Variants in CCNF observed in about 807,000 individuals in gnomAD.
CCNF encodes the protein cyclin-F.
A neutral mutation model predicts 85.4 loss-of-function variants in CCNF; 30 were observed. That is an observed-to-expected ratio of 0.35 (90% confidence interval 0.26 to 0.48). The LOEUF (loss-of-function observed/expected upper bound fraction) is 0.48, where lower values mean the gene tolerates loss of function less well. Among genes scored for constraint, CCNF ranks in the 20% least tolerant of loss-of-function variants. CCNF has a pLI of 0.99. For missense variants in CCNF, 919 were observed against 1,010.4 expected (o/e 0.91, Z 1.23); for synonymous variants, 439 against 425.1 (o/e 1.03, Z -0.40).
chr16:2,444,808 G>A (rs2058682943), intron 9 of CCNF, among the ~76,000 whole-genome samples: 1 of 152,004 alleles, frequency 6.6e-6, no homozygotes, highest in South Asian at 2.1e-4. Context: ...TGTTGCCCAG[G>A]CTAGTCTTGA....
intron 8 of CCNF, among the ~76,000 whole-genome samples, chr16:2,441,049 T>C (rs866086341): frequency 7.9e-5 from 12 of 151,774 alleles, no homozygotes; most frequent in African/African-American, 2.7e-4. Flanking sequence ...CTGGCCAATG[T>C]GGTGAAACCC....
chr16:2,438,196 G>A (rs2065301806), intron 6 of CCNF, 73 bp downstream of exon 6: 3 of 1,164,626 alleles, frequency 2.6e-6, no homozygotes, highest in East Asian at 4.7e-5. Context: ...GAACTGAAAA[G>A]CAGCAGAAGG....
chr16:2,451,039 C>T lies in CCNF; in HGVS notation c.1487+1124C>T, dbSNP rs895896666. Among the ~76,000 whole-genome samples, 1 of 152,236 alleles carries T rather than the reference C, an allele frequency of 6.6e-6. No individual in the cohort carries two copies. The highest frequency in any genetic ancestry group is 1.5e-5 in the Non-Finnish European group (1 of 68,046). Reference sequence around the variant, plus strand: ...TGCCCCGGCCCCTCCGCCCTTCTCTCTGGTGAGCCTGGCCCGGCCCTCGCC... The same window carrying T: ...TGCCCCGGCCCCTCCGCCCTTCTCTTTGGTGAGCCTGGCCCGGCCCTCGCC... On this transcript the variant is annotated intron_variant, in intron 13 of 16. Transcript: ENST00000397066. The surrounding 1 kb of genome is among the most constrained non-coding windows in gnomAD (Gnocchi z 4.3).
At chr16:2,454,753 G>A (rs1289119160) in intron 15 of CCNF, among the ~76,000 whole-genome samples, 2 of 152,182 alleles carry the variant, frequency 1.3e-5, no homozygotes, top group African/African-American at 4.8e-5. Flanking sequence ...AGCACTGCCT[G>A]CACCTTATTA....
Position 2,455,479 on chromosome 16 carries a change from G to T in CCNF, c.1800G>T (p.Leu600=), listed in dbSNP as rs760533163. Residue 600 remains leucine, a synonymous_variant, in exon 16 of 17, where the codon CTG becomes CTT. Transcript: ENST00000397066. The part of the protein sequence containing the change: ...TAELSSQEET[L]LGSFLDWSLD... ...AGCTGTCCAGCCAGGAGGAGACGCT[G>T]CTGGGCAGCTTCCTCGACTGGAGCC... 6.2e-7 allele frequency: 1 copy of T among 1,606,472 alleles called. No homozygotes were observed. Among genetic ancestry groups the T allele is most frequent in the Non-Finnish European group, 8.5e-7 (1 of 1,174,150 alleles).
intron 2 of CCNF, 123 bp downstream of exon 2, chr16:2,431,407 G>A (rs1052128100): frequency 1.6e-5 from 16 of 1,005,726 alleles, no homozygotes; most frequent in Admixed American, 2.4e-5. Context: ...GGCCAGGCAC[G>A]GTGGCTCATG....
Position 2,443,784 on chromosome 16 carries a change from C to T in CCNF, c.913C>T (p.Leu305Phe), listed in dbSNP as rs927731140. ...KQQVFSVQKGLNDTMRYILID... is the reference protein window; with the variant it reads ...KQQVFSVQKGFNDTMRYILID... ...ACAAGTCTTCTCCGTGCAGAAGGGACTCAATGACACAATGAGGTGAGGCAT... is the reference window on the plus strand; with the variant it reads ...ACAAGTCTTCTCCGTGCAGAAGGGATTCAATGACACAATGAGGTGAGGCAT... Residue 305 changes from leucine (L) to phenylalanine (F), a missense_variant, in exon 9 of 17, where the codon CTC (leucine) becomes TTC (phenylalanine). Leu to Phe is a conservative substitution (Grantham distance 22). Around this residue, in one of 3 missense-constraint regions of CCNF, gnomAD observed 410 missense variants for 478.6 expected, o/e 0.86. Transcript: ENST00000397066. 2 of 1,614,020 alleles carry T rather than the reference C, an allele frequency of 1.2e-6. No individual in the cohort carries two copies. Among genetic ancestry groups the T allele is most frequent in the African/African-American group, 1.3e-5 (1 of 74,916 alleles).
intron 2 of CCNF, among the ~76,000 whole-genome samples, chr16:2,432,108 GC>G (rs1276669671): frequency 1.3e-5 from 2 of 152,138 alleles, no homozygotes; most frequent in African/African-American, 2.4e-5. Flanking sequence ...GGGATTACAG[GC>G]ATGAGCCACT....
At chr16:2,439,270 C>G (rs1352170441) in intron 6 of CCNF, 83 bp from the exon 7 acceptor site, 4 of 1,229,906 alleles carry the variant, frequency 3.3e-6, no homozygotes, top group Non-Finnish European at 4.6e-6. Flanking sequence ...TGCACTCCAA[C>G]CTGGGCGACG....
chr16:2,453,585 G>A lies in CCNF; in HGVS notation c.1715+48G>A, dbSNP rs79713355. 9.2e-4 allele frequency: 1,483 copies of A among 1,610,012 alleles called. 11 individuals are homozygous for A. In the African/African-American group the frequency reaches 0.017, roughly 19 times the overall value. On this transcript the variant is annotated intron_variant, in intron 15 of 16. Coordinates refer to ENST00000397066, the MANE Select transcript of CCNF (RefSeq NM_001761.3). This position sits in a 1 kb window ranked among gnomAD's most constrained non-coding sequence, Gnocchi z 5.6. ...TGCGCCATACAATGCTGGCATCCTC[G>A]TGCCGGCCCAGTTCCCTCAGCGCTT... is the stretch of plus-strand genomic sequence containing the variant.
chr16:2,435,159 G>C (rs556367468), intron 3 of CCNF, among the ~76,000 whole-genome samples: 286 of 150,998 alleles, frequency 1.9e-3, no homozygotes, highest in Middle Eastern at 0.017. Flanking sequence ...GCTGAGGCAG[G>C]AGAATGGTGT....
At chr16:2,432,276 C>T (rs1445926441) in intron 2 of CCNF, among the ~76,000 whole-genome samples, 1 of 152,134 alleles carries the variant, frequency 6.6e-6, no homozygotes, top group African/African-American at 2.4e-5. Context: ...GATATTGGAA[C>T]CATAGGCTTA....
chr16:2,441,496 G>A (rs1212530863), intron 8 of CCNF, among the ~76,000 whole-genome samples: 1 of 152,044 alleles, frequency 6.6e-6, no homozygotes, highest in Admixed American at 6.5e-5. Flanking sequence ...GCCGGGCGCA[G>A]TGGCTCACAT....
rs2065440486 is a variant in CCNF, at chr16:2,458,103, G to C, written c.*1083G>C. ...GCATGGAAAGGGAGCCTGGGAGCCA[G>C]CAGCCCACGCCTGGGGAGCCTGCCT... On this transcript the variant is annotated 3_prime_UTR_variant, in exon 17 of 17. Coordinates refer to ENST00000397066, the MANE Select transcript of CCNF (RefSeq NM_001761.3). 1 of 152,206 alleles carries C rather than the reference G, an allele frequency of 6.6e-6. No homozygotes were observed. Among genetic ancestry groups the C allele is most frequent in the Non-Finnish European group, 1.5e-5 (1 of 68,036 alleles). 9.4% of individuals were successfully genotyped at this position (152,206 alleles called of 1,614,324 possible).
chr16:2,453,606 C>A lies in CCNF; in HGVS notation c.1715+69C>A. On this transcript the variant is annotated intron_variant, in intron 15 of 16. Transcript: ENST00000397066. The surrounding 1 kb of genome is among the most constrained non-coding windows in gnomAD (Gnocchi z 5.6). ...CCTCGTGCCGGCCCAGTTCCCTCAG[C>A]GCTTCCTCACACAGAGAGGCCCCCA... 1 of 1,592,756 alleles carries A rather than the reference C, an allele frequency of 6.3e-7. No individual in the cohort carries two copies. The highest frequency in any genetic ancestry group is 8.6e-7 in the Non-Finnish European group (1 of 1,167,010).
In CCNF at chr16:2,449,843, C is replaced by G; in HGVS notation, c.1415C>G (p.Thr472Ser). The stretch of plus-strand genomic sequence containing the variant: ...TCCTCCCCAGCACAGCCCTGGACCA[C>G]TCAGCTGTGGGACCTCACCGGATTC... ...LTHGQTQPWT[T>S]QLWDLTGFSY... Residue 472 changes from threonine to serine, a missense_variant, in exon 13 of 17, where the codon ACT (threonine) becomes AGT (serine). This residue lies in a region of CCNF where 505 missense variants were observed against 514.8 expected (regional missense o/e 0.98). Transcript: ENST00000397066. The G allele has an allele frequency of 1.2e-6, 2 of 1,612,980 alleles. No homozygotes were observed. The highest frequency in any genetic ancestry group is 1.7e-6 in the Non-Finnish European group (2 of 1,179,622).
At chr16:2,434,964 G>A (rs1298377702) in intron 3 of CCNF, among the ~76,000 whole-genome samples, 2 of 152,046 alleles carry the variant, frequency 1.3e-5, no homozygotes, top group East Asian at 3.9e-4. Context: ...ATGTTATTAA[G>A]AAATGTTCGA....
chr16:2,454,825 C>T (rs575565260), intron 15 of CCNF, among the ~76,000 whole-genome samples: 5 of 152,188 alleles, frequency 3.3e-5, no homozygotes, highest in Admixed American at 2.6e-4. Flanking sequence ...TTTGGGAGGC[C>T]GAGGTGGGCG....
In CCNF at chr16:2,457,219, C is replaced by A. The variant is rs1186525544; in HGVS notation, c.*199C>A. On this transcript the variant is annotated 3_prime_UTR_variant, in exon 17 of 17. Coordinates refer to ENST00000397066, the MANE Select transcript of CCNF (RefSeq NM_001761.3). ...AATGTTGAAATGAGGGTGAAGAGCTCAGATCCCTCTCTTTGGAAAGTTTAG... is the reference window on the plus strand; with the variant it reads ...AATGTTGAAATGAGGGTGAAGAGCTAAGATCCCTCTCTTTGGAAAGTTTAG... The A allele has an allele frequency of 1.5e-5, 8 of 532,202 alleles. No individual in the cohort carries two copies. The highest frequency in any genetic ancestry group is 2.6e-5 in the Non-Finnish European group (8 of 302,928). 33.0% of individuals were successfully genotyped at this position (532,202 alleles called of 1,614,324 possible).
Sources: allele counts gnomAD v4.1 joint callset (sites outside exome capture counted in the v4.1 genomes callset), GRCh38; gene constraint gnomAD v4.1.1; regional missense constraint gnomAD v4.1.1; non-coding constraint Gnocchi (gnomAD v3.1); transcripts MANE v1.5; gene names NCBI Gene and HGNC (gene_info 2026-07-23, HGNC 2026-07-21).